Variants in RNF213 observed in about 807,000 individuals in gnomAD.
RNF213 encodes E3 ubiquitin-protein ligase RNF213.
A neutral mutation model predicts 514.4 loss-of-function variants in RNF213; 341 were observed. The observed-to-expected ratio is 0.66, with a 90% CI of 0.61 to 0.73. The LOEUF is 0.73. Ranked by LOEUF, RNF213 falls within the 30% of genes least tolerant of loss-of-function variation. The probability of loss-of-function intolerance (pLI) is 0.00; values close to 1 mark genes in which losing one functional copy is unlikely to be tolerated. For synonymous variants in RNF213, 2,655 were observed against 2,658.2 expected (o/e 1.00, Z 0.04); for missense variants, 5,767 against 6,615.6 (o/e 0.87, Z 4.45).
At chr17:80,326,746 A>G (rs7501563) in intron 18 of RNF213, among the ~76,000 whole-genome samples, 98,087 of 152,036 alleles carry the variant, frequency 0.65, 32,502 homozygotes, top group Middle Eastern at 0.68. Context: ...ACTTCGTTTT[A>G]CCACTGAATA....
At position 80,317,911 on chromosome 17, in the gene RNF213, G is replaced by T. The variant is rs1375816323; in HGVS notation, c.2901+634G>T. ...CATCCAAGAAGAATGGGGTCACCCG[G>T]ACACTTGAAGGATGGTGAAGGTGGA... On this transcript the variant is annotated intron_variant, in intron 16 of 67. Coordinates refer to ENST00000582970, the MANE Select transcript of RNF213 (RefSeq NM_001256071.3). The surrounding 1 kb of genome is among the most constrained non-coding windows in gnomAD (Gnocchi z 4.1). Among the ~76,000 whole-genome samples the T allele has an allele frequency of 6.6e-6, 1 of 152,158 alleles. No homozygotes were observed. The highest frequency in any genetic ancestry group is 2.4e-5 in the African/African-American group (1 of 41,438).
chr17:80,331,941 A>C (rs2046427758), intron 20 of RNF213, 65 bp from the exon 21 acceptor site: 1 of 1,486,962 alleles, frequency 6.7e-7, no homozygotes, highest in African/African-American at 1.4e-5. Context: ...AGTCTTAGGA[A>C]AGTGAAATAA....
chr17:80,337,729 G>A lies in RNF213; in HGVS notation c.4668+3G>A. 6.5e-7 allele frequency: 1 copy of A among 1,537,300 alleles called. No homozygotes were observed. ...AGGCGCCCAAAGGTGGCCAAAAGGT[G>A]AGCGGTCCCCAGCCCTCGGCGCAGC... On this transcript the variant is annotated splice_donor_region_variant and intron_variant, in intron 24 of 67. Coordinates refer to ENST00000582970, the MANE Select transcript of RNF213 (RefSeq NM_001256071.3).
intron 20 of RNF213, among the ~76,000 whole-genome samples, chr17:80,330,446 G>A (rs903926949): frequency 6.6e-6 from 1 of 152,206 alleles, no homozygotes; most frequent in Non-Finnish European, 1.5e-5. Flanking sequence ...CTGCCTGGAG[G>A]GTGTGGGCCT....
rs76374987 is a variant in RNF213 at position 80,273,269 on chromosome 17, G to A, written c.126G>A (p.Ala42=). The A allele has an allele frequency of 1.3e-3, 2,126 of 1,613,596 alleles. 24 individuals carry two copies. In the African/African-American group the frequency reaches 0.026, roughly 20 times the overall value. The change falls in exon 3 of 68, where the codon GCG becomes GCA. Residue 42 remains alanine, a synonymous_variant. Transcript: ENST00000582970. ...ADSENNNSTM[A]SASEGEMECG... is the part of the protein sequence containing the mutation. ...CTGAGAACAATAACTCCACAATGGC[G>A]TCGGCCTCGGAGGGTGAAATGGAGT...
chr17:80,381,572 C>T lies in RNF213; in HGVS notation c.13823C>T (p.Pro4608Leu), dbSNP rs1467184789. 6.2e-7 allele frequency: 1 copy of T among 1,614,214 alleles called. No homozygotes were observed. The highest frequency in any genetic ancestry group is 8.5e-7 in the Non-Finnish European group (1 of 1,180,036). The change falls in exon 57 of 68, where the codon CCA becomes CTA. Residue 4608 changes from proline (P) to leucine (L), a missense_variant. This residue lies in a region of RNF213 where 1,245 missense variants were observed against 1,339.0 expected (regional missense o/e 0.93). Coordinates refer to ENST00000582970, the MANE Select transcript of RNF213 (RefSeq NM_001256071.3). The stretch of plus-strand genomic sequence containing the variant: ...GCTCTGATAAACATCATTAAGCCTC[C>T]AGTGAGGGATCCAAAAGGCTTTCTG... ...SQALINIIKP[P>L]VRDPKGFLQQ... is the part of the protein sequence containing the mutation.
chr17:80,316,443 G>C (rs1341222787), intron 15 of RNF213: 1 of 152,424 alleles, frequency 6.6e-6, no homozygotes, highest in Non-Finnish European at 1.5e-5. Flanking sequence ...AAAATGACCA[G>C]GGAACTCTTC....
chr17:80,325,088 T>C lies in RNF213; in HGVS notation c.3083T>C (p.Val1028Ala). 2.0e-6 allele frequency: 3 copies of C among 1,537,232 alleles called. No individual in the cohort carries two copies. Among genetic ancestry groups the C allele is most frequent in the Non-Finnish European group, 2.6e-6 (3 of 1,146,902 alleles). Residue 1028 changes from valine (V) to alanine (A), a missense_variant, in exon 18 of 68, where the codon GTC becomes GCC. By Grantham distance (64) the Val-to-Ala change is moderately conservative. Around this residue, in one of 13 missense-constraint regions of RNF213, gnomAD observed 516 missense variants for 566.5 expected, o/e 0.91. Transcript: ENST00000582970. ...SYSDLRKFGI[V>A]LSAVITKSWP... ...TCTGATTTGCGGAAATTTGGCATCG[T>C]CTTGTCTGCTGTGATCACTAAGTCC...
At chr17:80,367,452 G>A (rs897865673) in intron 42 of RNF213, among the ~76,000 whole-genome samples, 3 of 152,218 alleles carry the variant, frequency 2.0e-5, no homozygotes, top group African/African-American at 7.2e-5. Context: ...GGGGTATACA[G>A]ATGGTCATTA....
intron 10 of RNF213, among the ~76,000 whole-genome samples, chr17:80,296,206 G>T (rs1385779158): frequency 6.6e-6 from 1 of 152,166 alleles, no homozygotes; most frequent in Non-Finnish European, 1.5e-5. Context: ...TTTTAGTAGA[G>T]AAGGGTTTTC....
intron 17 of RNF213, among the ~76,000 whole-genome samples, chr17:80,323,852 T>G (rs900437156): frequency 6.6e-6 from 1 of 151,512 alleles, no homozygotes; most frequent in Non-Finnish European, 1.5e-5. Context: ...GGTGCTATTG[T>G]AATTGGAATT....
chr17:80,268,288 A>ACGCTGCAGTGAGCCGTGATCATAC (rs1412614219), intron 2 of RNF213, among the ~76,000 whole-genome samples: 1 of 148,402 alleles, frequency 6.7e-6, no homozygotes, highest in Middle Eastern at 3.3e-3. Context: ...CAGGAGGTCA[A>ACGCTGCAGTGAGCCGTGATCATAC]CGCTGCAGTG....
At chr17:80,283,822 T>G (rs2143133876) in intron 3 of RNF213, among the ~76,000 whole-genome samples, 1 of 152,356 alleles carries the variant, frequency 6.6e-6, no homozygotes, top group East Asian at 1.9e-4. Flanking sequence ...TGCCAGAGCC[T>G]GATTATGTCA....
At chr17:80,302,203 A>G (rs952587691) in intron 11 of RNF213, among the ~76,000 whole-genome samples, 3 of 152,230 alleles carry the variant, frequency 2.0e-5, no homozygotes, top group African/African-American at 7.2e-5. Flanking sequence ...AGTAAGTTCT[A>G]GGGTCCTAGA....
intron 12 of RNF213, among the ~76,000 whole-genome samples, 177 bp from the exon 13 acceptor site, chr17:80,306,951 C>G (rs1451523378): frequency 1.3e-5 from 2 of 151,818 alleles, no homozygotes; most frequent in Admixed American, 1.3e-4. Context: ...AAGTTTAAAT[C>G]CTGAGTTTTA....
rs1384421434 is a variant in RNF213 at position 80,273,366 on chromosome 17, G to A, written c.223G>A (p.Glu75Lys). ...PGSDSWQENPEEPCSKASWTV... is the reference protein window; with the variant it reads ...PGSDSWQENPKEPCSKASWTV... ...CTCAGACAGTTGGCAAGAAAACCCC[G>A]AGGAGCCCTGTTCCAAAGCCTCCTG... The change falls in exon 3 of 68, where the codon GAG (glutamate) becomes AAG (lysine). Residue 75 changes from glutamate (E) to lysine (K), a missense_variant. Coordinates refer to ENST00000582970, the MANE Select transcript of RNF213 (RefSeq NM_001256071.3). The A allele has an allele frequency of 4.3e-6, 7 of 1,613,170 alleles. No individual in the cohort carries two copies. The highest frequency in any genetic ancestry group is 5.9e-6 in the Non-Finnish European group (7 of 1,179,964).
In RNF213 at chr17:80,291,671, A is replaced by G. The variant is rs372722051; in HGVS notation, c.1315A>G (p.Ile439Val). The G allele has an allele frequency of 1.3e-5, 21 of 1,614,218 alleles. No homozygotes were observed. The African/African-American group carries it at 2.7e-4, about 20-fold the overall frequency. The change falls in exon 8 of 68, where the codon ATT (isoleucine) becomes GTT (valine). Residue 439 changes from isoleucine (I) to valine (V), a missense_variant. Ile to Val is a conservative substitution (Grantham distance 29). Transcript: ENST00000582970. ...CGTTCTTGTTGAAGGCATTGTCTGC[A>G]TTTCCAAGAAGCACCTAGATAAATA... ...DRVLVEGIVC[I>V]SKKHLDKYIP...
chr17:80,315,153 A>G (rs1416169320), intron 15 of RNF213, among the ~76,000 whole-genome samples: 1 of 13,618 alleles, frequency 7.3e-5, no homozygotes. Flanking sequence ...GGTAAAGGTG[A>G]TGGTGGAGGT....
intron 44 of RNF213, among the ~76,000 whole-genome samples, chr17:80,368,552 C>T (rs1342041071): frequency 6.6e-6 from 1 of 151,966 alleles, no homozygotes; most frequent in African/African-American, 2.4e-5. Context: ...CCTGCCTCAG[C>T]CTCCCAAGTA....
Sources: allele counts gnomAD v4.1 joint callset (sites outside exome capture counted in the v4.1 genomes callset), GRCh38; gene constraint gnomAD v4.1.1; regional missense constraint gnomAD v4.1.1; non-coding constraint Gnocchi (gnomAD v3.1); transcripts MANE v1.5; gene names NCBI Gene and HGNC (gene_info 2026-07-23, HGNC 2026-07-21).